Variants in LRRC9 observed in about 807,000 individuals in gnomAD.
The protein encoded by LRRC9 is leucine-rich repeat-containing protein 9.
LRRC9 carries 122 observed loss-of-function variants against 63.2 expected under a neutral mutation model. The ratio of observed to expected loss-of-function variants is 1.93; its 90% confidence interval spans 1.67 to 2.24. LRRC9 has a LOEUF of 2.24. Among genes scored for constraint, LRRC9 ranks in the 30% most tolerant of loss-of-function variants. LRRC9 has a pLI of 0.00. For missense variants in LRRC9, 1,071 were observed against 627.7 expected (o/e 1.71, Z -7.55); for synonymous variants, 366 against 213.1 (o/e 1.72, Z -6.25).
At position 60,028,050 on chromosome 14, in the gene LRRC9, A is replaced by G. The variant is rs1290544140; in HGVS notation, c.3870A>G (p.Leu1290=). ...ACAGACTACGAGAACTGGGCAAATT[A>G]CAATCTTTGGTAAAACTAGAGAAAC... is the stretch of plus-strand genomic sequence containing the variant. Residue 1290 remains leucine (L), a synonymous_variant, in exon 28 of 32, where the codon TTA becomes TTG. Transcript: ENST00000445360. 7.1e-6 allele frequency: 5 copies of G among 701,608 alleles called. No individual in the cohort carries two copies. In the East Asian group the frequency reaches 8.1e-5, roughly 11 times the overall value. 43.5% of individuals were successfully genotyped at this position (701,608 alleles called of 1,614,324 possible). A position where few individuals can be genotyped will look rare whatever the true frequency, so the allele number is the denominator to read the frequency against.
chr14:59,945,144 G>T (rs1882222109), intron 8 of LRRC9, among the ~76,000 whole-genome samples: 1 of 148,992 alleles, frequency 6.7e-6, no homozygotes. Flanking sequence ...TGTTTAAAGT[G>T]CTAAAAAAAA....
chr14:60,010,154 G>A (rs1212391042), intron 23 of LRRC9, among the ~76,000 whole-genome samples: 1 of 152,220 alleles, frequency 6.6e-6, no homozygotes, highest in African/African-American at 2.4e-5. Context: ...CTCTGTGTGG[G>A]GGCTCCAACC....
rs142893691 is a variant in LRRC9, at chr14:60,037,677, G to A, written c.3990+5614G>A. Reference sequence around the variant, plus strand: ...GATTCTGGATATTAGCCCTTTGTCCGATAGGTAGATTGTAAAAATTTCCTC... The same window carrying A: ...GATTCTGGATATTAGCCCTTTGTCCAATAGGTAGATTGTAAAAATTTCCTC... On this transcript the variant is annotated intron_variant, in intron 29 of 31. Transcript: ENST00000445360. Among the ~76,000 whole-genome samples the A allele has an allele frequency of 9.6e-3, 1,456 of 152,222 alleles. 27 individuals are homozygous for A. The highest frequency in any genetic ancestry group is 0.033 in the African/African-American group (1,371 of 41,538).
At position 59,942,766 on chromosome 14, in the gene LRRC9, A is replaced by ATC. The variant is rs200043634; in HGVS notation, c.727-1811_727-1810dup. On this transcript the variant is annotated intron_variant, in intron 7 of 31. Transcript: ENST00000445360. This position sits in a 1 kb window ranked among gnomAD's most constrained non-coding sequence, Gnocchi z 5.3. ...CCCTTTGCTCTGCATCCTCGCCAGC[A>ATC]TCTCTCTCTCTCTTTTTTTTTTCTG... 3.3e-5 allele frequency among the ~76,000 whole-genome samples: 5 copies of ATC among 150,784 alleles called. No homozygotes were observed. Among genetic ancestry groups the ATC allele is most frequent in the Admixed American group, 6.6e-5 (1 of 15,142 alleles).
At chr14:59,952,005 C>T (rs866625701) in intron 8 of LRRC9, among the ~76,000 whole-genome samples, 2,614 of 151,978 alleles carry the variant, frequency 0.017, 78 homozygotes, top group East Asian at 0.056. Context: ...AGGCAGGCCT[C>T]CTTGAGCTGT....
intron 31 of LRRC9, among the ~76,000 whole-genome samples, chr14:60,059,612 C>T (rs537175779): frequency 2.0e-5 from 3 of 152,184 alleles, no homozygotes; most frequent in Non-Finnish European, 4.4e-5. Context: ...TAAAGTGGTC[C>T]GGATAGGATA....
intron 2 of LRRC9, 128 bp from the exon 3 acceptor site, chr14:59,928,140 T>C: frequency 1.8e-6 from 1 of 568,184 alleles, no homozygotes; most frequent in South Asian, 2.5e-5. Flanking sequence ...ATATGTGATA[T>C]AACTTTCTCT....
chr14:59,945,536 C>G (rs1882277875), intron 8 of LRRC9, among the ~76,000 whole-genome samples: 1 of 151,844 alleles, frequency 6.6e-6, no homozygotes, highest in African/African-American at 2.4e-5. Flanking sequence ...ATATATTTAT[C>G]TGATCTCAGC....
chr14:60,028,151 G>A, intron 28 of LRRC9, 50 bp downstream of exon 28: 1 of 656,600 alleles, frequency 1.5e-6, no homozygotes, highest in Non-Finnish European at 2.7e-6. Flanking sequence ...TAGTTTCTCT[G>A]AGTTCTGAGC....
chr14:60,019,173 C>T (rs968546836), exon 26 of LRRC9: 2 of 699,872 alleles, frequency 2.9e-6, no homozygotes, highest in African/African-American at 3.5e-5. Context: ...AGACTAAAGC[C>T]TCAGACTCAC....
At chr14:59,967,595 TTTTACTGCTACCA>T (rs1359891098) in intron 12 of LRRC9, among the ~76,000 whole-genome samples, 4 of 152,220 alleles carry the variant, frequency 2.6e-5, no homozygotes, top group African/African-American at 9.6e-5. Context: ...ATTGCTTTCC[TTTTACTGCTACCA>T]TTTCTTTATT....
In LRRC9 at chr14:59,936,756, G is replaced by A. The variant is rs1890171221; in HGVS notation, c.544-1634G>A. The stretch of plus-strand genomic sequence containing the variant: ...TGCATAGGCTCAGCCCAAGCCTCAG[G>A]TCAGACCAGTGAGCCACATTCTCAC... On this transcript the variant is annotated intron_variant, in intron 6 of 31. Coordinates refer to ENST00000445360, the Ensembl canonical transcript of LRRC9. This position sits in a 1 kb window ranked among gnomAD's most constrained non-coding sequence, Gnocchi z 4.2. Among the ~76,000 whole-genome samples, 3 of 152,148 alleles carry A rather than the reference G, an allele frequency of 2.0e-5. No homozygotes were observed. The highest frequency in any genetic ancestry group is 7.2e-5 in the African/African-American group (3 of 41,422).
chr14:59,952,294 C>G (rs932667474), intron 8 of LRRC9, among the ~76,000 whole-genome samples: 2 of 152,156 alleles, frequency 1.3e-5, no homozygotes, highest in East Asian at 1.9e-4. Flanking sequence ...TTCTTTGACT[C>G]GGAAAGGGAA....
At position 59,986,424 on chromosome 14, in the gene LRRC9, C is replaced by T. The variant is rs1015550746; in HGVS notation, c.2211+1200C>T. Among the ~76,000 whole-genome samples the T allele has an allele frequency of 1.3e-5, 2 of 152,084 alleles. No homozygotes were observed. The highest frequency in any genetic ancestry group is 1.3e-4 in the Admixed American group (2 of 15,266). On this transcript the variant is annotated intron_variant, in intron 17 of 31. Coordinates refer to ENST00000445360, the Ensembl canonical transcript of LRRC9. This position sits in a 1 kb window ranked among gnomAD's most constrained non-coding sequence, Gnocchi z 4.7. ...ATTGTAATGGGAGCTGTTTCTTTTA[C>T]TTATTGGCATTAGGTTTAGATTTAG...
intron 28 of LRRC9, among the ~76,000 whole-genome samples, chr14:60,029,133 T>A (rs970411650): frequency 6.6e-6 from 1 of 152,144 alleles, no homozygotes; most frequent in African/African-American, 2.4e-5. Flanking sequence ...GAAATCTAAA[T>A]TAGGAAAATT....
intron 26 of LRRC9, among the ~76,000 whole-genome samples, chr14:60,021,367 TTAAG>T (rs1891103470): frequency 6.6e-6 from 1 of 151,946 alleles, no homozygotes; most frequent in Non-Finnish European, 1.5e-5. Flanking sequence ...CTTTTCATTA[TTAAG>T]TGTCTTTATA....
rs560992582 is a variant in LRRC9, at chr14:59,939,028, T to C, written c.726+456T>C. On this transcript the variant is annotated intron_variant, in intron 7 of 31. Transcript: ENST00000445360. ...ACATATATACACATATATATATACA[T>C]ATATACACATATATACATATATACA... Among the ~76,000 whole-genome samples, 575 of 147,778 alleles carry C rather than the reference T, an allele frequency of 3.9e-3. 3 individuals are homozygous for C. The highest frequency in any genetic ancestry group is 6.6e-3 in the Non-Finnish European group (442 of 67,162).
At chr14:59,949,799 G>T (rs1882912085) in intron 8 of LRRC9, among the ~76,000 whole-genome samples, 1 of 148,318 alleles carries the variant, frequency 6.7e-6, no homozygotes, top group African/African-American at 2.5e-5. Context: ...CCATATAGTT[G>T]AGCGGCTTTG....
rs919498379 is a variant in LRRC9, at chr14:60,027,115, A to C, written c.3704-769A>C. Reference sequence around the variant, plus strand: ...AAAGATAATTGAGCTTAAAATGTAAAAGGTCTAAGTTAGGCCTGATACTGC... The same window carrying C: ...AAAGATAATTGAGCTTAAAATGTAACAGGTCTAAGTTAGGCCTGATACTGC... On this transcript the variant is annotated intron_variant, in intron 27 of 31. Coordinates refer to ENST00000445360, the Ensembl canonical transcript of LRRC9. The surrounding 1 kb of genome is among the most constrained non-coding windows in gnomAD (Gnocchi z 4.0). Among the ~76,000 whole-genome samples the C allele has an allele frequency of 1.3e-5, 2 of 152,030 alleles. No homozygotes were observed. Among genetic ancestry groups the C allele is most frequent in the African/African-American group, 4.8e-5 (2 of 41,440 alleles).
Sources: allele counts gnomAD v4.1 joint callset (sites outside exome capture counted in the v4.1 genomes callset), GRCh38; gene constraint gnomAD v4.1.1; non-coding constraint Gnocchi (gnomAD v3.1); transcripts MANE v1.5; gene names NCBI Gene and HGNC (gene_info 2026-07-23, HGNC 2026-07-21).